IL1RAPL1: variants seen among roughly 807,000 people sequenced by gnomAD.
The protein encoded by IL1RAPL1 is interleukin-1 receptor accessory protein-like 1.
In IL1RAPL1, 3 loss-of-function variants were observed where a neutral mutation model predicts 48.4. The observed-to-expected ratio is 0.06, with a 90% CI of 0.03 to 0.16. The LOEUF (loss-of-function observed/expected upper bound fraction) is 0.16. Ranked by LOEUF, IL1RAPL1 falls within the 10% of genes least tolerant of loss-of-function variation. IL1RAPL1 has a pLI of 1.00. For missense variants in IL1RAPL1, 349 were observed against 530.6 expected (o/e 0.66, Z 3.36); for synonymous variants, 185 against 187.7 (o/e 0.99, Z 0.12).
intron 6 of IL1RAPL1, among the ~76,000 whole-genome samples, chrX:29,885,403 G>T (rs1328651490): frequency 8.9e-6 from 1 of 111,852 alleles, no homozygotes; most frequent in African/African-American, 3.3e-5. Context: ...CACCACATTA[G>T]GATGCAAGTC....
chrX:29,762,520 AAAAT>A (rs750267954), intron 6 of IL1RAPL1, among the ~76,000 whole-genome samples: 2 of 111,924 alleles, frequency 1.8e-5, no homozygotes, highest in Admixed American at 1.9e-4. Context: ...GATTCTTTTA[AAAAT>A]AAGTCTCAAA....
At chrX:29,445,383 T>A (rs1934600684) in intron 5 of IL1RAPL1, among the ~76,000 whole-genome samples, 1 of 111,545 alleles carries the variant, frequency 9.0e-6, no homozygotes, top group Non-Finnish European at 1.9e-5. Flanking sequence ...GAGAAGGGAT[T>A]CTACTAGTGA....
intron 5 of IL1RAPL1, among the ~76,000 whole-genome samples, chrX:29,569,403 C>A (rs781320653): frequency 1.8e-5 from 2 of 110,934 alleles, no homozygotes; most frequent in Admixed American, 9.6e-5. Flanking sequence ...TAACATGATT[C>A]ATTCAGGGTA....
chrX:29,043,437 C>T (rs755501360), intron 2 of IL1RAPL1, among the ~76,000 whole-genome samples: 3 of 110,555 alleles, frequency 2.7e-5, no homozygotes, highest in Admixed American at 9.7e-5. Flanking sequence ...AATAATGACA[C>T]GTCATAAAGT....
rs577430877 is a variant in IL1RAPL1, at chrX:29,342,156, T to G, written c.363-54102T>G. ...TGTGTGTGTGTGTGTGTGTGTGTGT[T>G]TGTTTTGTTTTGTTTGTTTGTTTTT... On this transcript the variant is annotated intron_variant, in intron 3 of 10. Transcript: ENST00000378993. 7.5e-3 allele frequency among the ~76,000 whole-genome samples: 489 copies of G among 64,776 alleles called. 1 individual carries two copies. The highest frequency in any genetic ancestry group is 0.023 in the African/African-American group (387 of 17,166). 56.3% of individuals were successfully genotyped at this position (64,776 alleles called of 115,157 possible).
intron 5 of IL1RAPL1, among the ~76,000 whole-genome samples, chrX:29,565,942 T>A (rs1359282903): frequency 1.8e-5 from 2 of 111,164 alleles, no homozygotes; most frequent in Non-Finnish European, 3.8e-5. Context: ...TGTGGGGAAA[T>A]TTTTTGTTGT....
chrX:29,531,676 C>T (rs1252848471), intron 5 of IL1RAPL1, among the ~76,000 whole-genome samples: 1 of 111,959 alleles, frequency 8.9e-6, no homozygotes, highest in Admixed American at 9.4e-5. Flanking sequence ...TTTTGGAAGT[C>T]CAGAAGTCCA....
chrX:29,180,035 G>GAA (rs5901915), intron 2 of IL1RAPL1, among the ~76,000 whole-genome samples: 5 of 107,035 alleles, frequency 4.7e-5, no homozygotes, highest in South Asian at 4.0e-4. Flanking sequence ...TGAAGGAAAT[G>GAA]AAAAAAAAAT....
chrX:29,562,858 C>A (rs1314211408), intron 5 of IL1RAPL1, among the ~76,000 whole-genome samples: 1 of 111,592 alleles, frequency 9.0e-6, no homozygotes, highest in African/African-American at 3.3e-5. Context: ...TTAGGAGTGG[C>A]ATGGATGAAG....
chrX:29,285,524 C>CAAAAAAAAAAA (rs778913919), intron 3 of IL1RAPL1, among the ~76,000 whole-genome samples: 2 of 11,583 alleles, frequency 1.7e-4, no homozygotes, highest in African/African-American at 9.3e-4. Flanking sequence ...AACTCCGTCT[C>CAAAAAAAAAAA]AAAAAAAAAA....
At chrX:29,499,257 T>C (rs1178506309) in intron 5 of IL1RAPL1, among the ~76,000 whole-genome samples, 2 of 112,226 alleles carry the variant, frequency 1.8e-5, no homozygotes, top group Non-Finnish European at 3.8e-5. Context: ...AATGGATATT[T>C]ATATAAAAGA....
chrX:28,747,411 G>A (rs183722924), intron 1 of IL1RAPL1, among the ~76,000 whole-genome samples: 278 of 111,040 alleles, frequency 2.5e-3, no homozygotes, highest in African/African-American at 8.7e-3. Context: ...TGAGGCGGGC[G>A]GATCACTTCA....
intron 6 of IL1RAPL1, among the ~76,000 whole-genome samples, chrX:29,910,191 A>G (rs1932738423): frequency 9.0e-6 from 1 of 110,985 alleles, no homozygotes. Context: ...AGTGGAAGCT[A>G]AACATTGAGT....
At chrX:29,108,559 G>A (rs1244875906) in intron 2 of IL1RAPL1, among the ~76,000 whole-genome samples, 11 of 109,828 alleles carry the variant, frequency 1.0e-4, no homozygotes, top group Non-Finnish European at 2.1e-4. Context: ...GCGCCACCAT[G>A]CCCGGCTAAT....
chrX:28,984,461 A>G (rs1334392355), intron 2 of IL1RAPL1, among the ~76,000 whole-genome samples: 5 of 111,565 alleles, frequency 4.5e-5, no homozygotes, highest in Non-Finnish European at 7.5e-5. Flanking sequence ...ACCACATCAC[A>G]CTGAAAAATA....
At chrX:28,740,413 A>G (rs1239802500) in intron 1 of IL1RAPL1, among the ~76,000 whole-genome samples, 1 of 112,200 alleles carries the variant, frequency 8.9e-6, no homozygotes, top group African/African-American at 3.2e-5. Context: ...GGCAAAATTT[A>G]TAAATCATTA....
At chrX:29,296,521 CT>C (rs142798467) in intron 3 of IL1RAPL1, among the ~76,000 whole-genome samples, 36,494 of 101,351 alleles carry the variant, frequency 0.36, 6,521 homozygotes, top group Non-Finnish European at 0.53. Flanking sequence ...GGACAACCTT[CT>C]TTTTTTTTTT....
intron 5 of IL1RAPL1, among the ~76,000 whole-genome samples, chrX:29,508,213 A>G (rs1935356622): frequency 9.0e-6 from 1 of 111,497 alleles, no homozygotes; most frequent in Non-Finnish European, 1.9e-5. Flanking sequence ...ACATGAAATA[A>G]GTGGATTCCT....
At chrX:29,141,122 C>G (rs1364835422) in intron 2 of IL1RAPL1, among the ~76,000 whole-genome samples, 2 of 110,498 alleles carry the variant, frequency 1.8e-5, no homozygotes, top group African/African-American at 6.6e-5. Context: ...GGCACAGACA[C>G]ATATTGAAAG....
Sources: gnomAD v4.1 joint callset for allele counts (sites outside exome capture counted in the v4.1 genomes callset) on GRCh38, gnomAD v4.1.1 for gene constraint, MANE v1.5 for transcripts, NCBI Gene and HGNC (gene_info 2026-07-23, HGNC 2026-07-21) for gene names.